The following CASR variants were observed in gnomAD, a reference collection of about 807,000 sequenced individuals.
CASR encodes extracellular calcium-sensing receptor.
Under a neutral mutation model 69.1 loss-of-function variants are expected in CASR, and 23 were observed. The observed-to-expected ratio is 0.33, with a 90% CI of 0.24 to 0.47. The LOEUF is 0.47. Ranked by LOEUF, CASR falls within the 20% of genes least tolerant of loss-of-function variation. CASR has a pLI of 1.00. For synonymous variants in CASR, 541 were observed against 544.7 expected, an observed-to-expected ratio of 0.99 and a Z score of 0.10; for missense variants, 924 against 1,356.1, an observed-to-expected ratio of 0.68 and a Z score of 5.00.
At chr3:122,194,187 C>T (rs1161283678) in intron 1 of CASR, among the ~76,000 whole-genome samples, 2 of 152,168 alleles carry the variant, frequency 1.3e-5, no homozygotes, top group African/African-American at 4.8e-5. Context: ...TATTCAGGTA[C>T]CAATCTAGGC....
rs777670347 is a variant in CASR, at chr3:122,195,033, CCTCT to C, written c.-243+11224_-243+11227del. The stretch of plus-strand genomic sequence containing the variant: ...CTCCTCCTCCTCCTTTTTCCTCCTC[CCTCT>C]CTTTCTTCACTTCCCTCCATCCCTC... On this transcript the variant is annotated intron_variant, in intron 1 of 6. Coordinates refer to ENST00000639785, the MANE Select transcript of CASR (RefSeq NM_000388.4). Among the ~76,000 whole-genome samples, 14 of 152,122 alleles carry C rather than the reference CCTCT, an allele frequency of 9.2e-5. No homozygotes were observed. The East Asian group carries it at 2.3e-3, about 25-fold the overall frequency.
In CASR at chr3:122,262,285, C is replaced by G. The variant is rs1576859379; in HGVS notation, c.1250C>G (p.Ser417Cys). ...PYIDYTHLRI[S>C]YNVYLAVYSI... Reference sequence around the variant, plus strand: ...ATAGATTACACGCATTTACGGATATCCTACAATGTGTACTTAGCAGTCTAC... The same window carrying G: ...ATAGATTACACGCATTTACGGATATGCTACAATGTGTACTTAGCAGTCTAC... The change falls in exon 4 of 7, where the codon TCC becomes TGC. Residue 417 changes from serine to cysteine, a missense_variant. Coordinates refer to ENST00000639785, the MANE Select transcript of CASR (RefSeq NM_000388.4). 1.2e-6 allele frequency: 2 copies of G among 1,614,128 alleles called. No homozygotes were observed. The highest frequency in any genetic ancestry group is 1.7e-6 in the Non-Finnish European group (2 of 1,179,998).
intron 1 of CASR, among the ~76,000 whole-genome samples, chr3:122,202,604 A>C (rs2073968481): frequency 6.6e-6 from 1 of 152,154 alleles, no homozygotes. Flanking sequence ...TGCTGTAACT[A>C]TCATCTTCCA....
chr3:122,276,183 T>TG, intron 5 of CASR, 141 bp downstream of exon 5: 1 of 696,204 alleles, frequency 1.4e-6, no homozygotes, highest in Non-Finnish European at 2.6e-6. Flanking sequence ...TTTGCAATCT[T>TG]GGGGCTCCCT....
At chr3:122,210,461 C>A (rs980267235) in intron 1 of CASR, among the ~76,000 whole-genome samples, 4 of 151,980 alleles carry the variant, frequency 2.6e-5, no homozygotes, top group Non-Finnish European at 5.9e-5. Flanking sequence ...AGCAGAGAAC[C>A]AAATCATGAA....
rs998635676 is a variant in CASR, at chr3:122,220,538, G to A, written c.-242-33410G>A. ...CATTAAATAAATCATAGAACACCAA[G>A]GATTTACAGCTTTTTGAGCTTGATA... On this transcript the variant is annotated intron_variant, in intron 1 of 6. Transcript: ENST00000639785. Among the ~76,000 whole-genome samples the A allele has an allele frequency of 2.6e-5, 4 of 152,266 alleles. No individual in the cohort carries two copies. The East Asian group carries it at 7.7e-4, about 29-fold the overall frequency.
chr3:122,212,720 C>T (rs902625436), intron 1 of CASR, among the ~76,000 whole-genome samples: 2 of 151,546 alleles, frequency 1.3e-5, no homozygotes, highest in African/African-American at 4.9e-5. Context: ...CGGCTCACCA[C>T]AACCTCCGCT....
chr3:122,232,036 C>G (rs2074283775), intron 1 of CASR, among the ~76,000 whole-genome samples: 1 of 152,196 alleles, frequency 6.6e-6, no homozygotes, highest in South Asian at 2.1e-4. Context: ...TCATCAGATT[C>G]ACCCTCCAGC....
At chr3:122,235,056 A>G (rs1396501672) in intron 1 of CASR, among the ~76,000 whole-genome samples, 1 of 152,250 alleles carries the variant, frequency 6.6e-6, no homozygotes, top group African/African-American at 2.4e-5. Flanking sequence ...AGAGTAGAGA[A>G]GGACCAGGGA....
intron 4 of CASR, among the ~76,000 whole-genome samples, chr3:122,264,903 A>G (rs2074672678): frequency 6.6e-6 from 1 of 152,212 alleles, no homozygotes; most frequent in African/African-American, 2.4e-5. Flanking sequence ...CTTATCACCT[A>G]TAATCTAATC....
intron 1 of CASR, among the ~76,000 whole-genome samples, chr3:122,211,037 G>A (rs1241855971): frequency 2.0e-5 from 3 of 152,182 alleles, no homozygotes; most frequent in African/African-American, 7.2e-5. Context: ...CTAGCCATAT[G>A]CAGAAAGTTG....
At chr3:122,237,593 A>G (rs1239473453) in intron 1 of CASR, among the ~76,000 whole-genome samples, 1 of 152,268 alleles carries the variant, frequency 6.6e-6, no homozygotes, top group Non-Finnish European at 1.5e-5. Flanking sequence ...AGTAAAGTAC[A>G]ACAATATAGA....
Position 122,286,646 on chromosome 3 carries a change from G to C in CASR, c.*1455G>C, listed in dbSNP as rs942100606. ...GCTCTGGGCCCAACACATGGGGTCA[G>C]CCATAGTATCACTGGCTCATGGTGA... On this transcript the variant is annotated 3_prime_UTR_variant, in exon 7 of 7. Transcript: ENST00000639785. 2 of 152,350 alleles carry C rather than the reference G, an allele frequency of 1.3e-5. No homozygotes were observed. Among genetic ancestry groups the C allele is most frequent in the African/African-American group, 4.8e-5 (2 of 41,568 alleles). The allele number at this position is 152,350 out of a possible 1,614,324, so 9.4% of individuals were successfully genotyped here. A position where few individuals can be genotyped will look rare whatever the true frequency, so the allele number is the denominator to read the frequency against.
rs1188018312 is a variant in CASR, at chr3:122,287,257, G to A, written c.*2066G>A. 5 of 152,230 alleles carry A rather than the reference G, an allele frequency of 3.3e-5. No homozygotes were observed. In the East Asian group the frequency reaches 7.7e-4, roughly 23 times the overall value. 9.4% of individuals were successfully genotyped at this position (152,230 alleles called of 1,614,324 possible). ...TGTCCATGTCACCCAAGGGGCTTTA[G>A]GAGGAAAACATAGGTTTACAGTGAG... is the stretch of plus-strand genomic sequence containing the variant. On this transcript the variant is annotated 3_prime_UTR_variant, in exon 7 of 7. Coordinates refer to ENST00000639785, the MANE Select transcript of CASR (RefSeq NM_000388.4).
intron 5 of CASR, among the ~76,000 whole-genome samples, chr3:122,281,402 A>G (rs1457711794): frequency 6.6e-6 from 1 of 152,220 alleles, no homozygotes; most frequent in East Asian, 1.9e-4. Context: ...TCCACTAGCT[A>G]AGACCTCCAG....
At chr3:122,214,395 A>T (rs1341870326) in intron 1 of CASR, among the ~76,000 whole-genome samples, 1 of 152,168 alleles carries the variant, frequency 6.6e-6, no homozygotes, top group African/African-American at 2.4e-5. Flanking sequence ...CAGTCCTCCT[A>T]ATCCGCAGTC....
chr3:122,252,102 G>C (rs78699500), intron 1 of CASR, among the ~76,000 whole-genome samples: 16,292 of 151,986 alleles, frequency 0.11, 903 homozygotes, highest in Middle Eastern at 0.16. Context: ...AAGGCCAGCT[G>C]TGGACAACAG....
Position 122,284,861 on chromosome 3 carries a change from C to G in CASR, c.2907C>G (p.Gly969=). 1 of 1,614,220 alleles carries G rather than the reference C, an allele frequency of 6.2e-7. No individual in the cohort carries two copies. The highest frequency in any genetic ancestry group is 1.1e-5 in the South Asian group (1 of 91,082). The change falls in exon 7 of 7, where the codon GGC becomes GGG. Residue 969 remains glycine, a synonymous_variant. Transcript: ENST00000639785. The stretch of plus-strand genomic sequence containing the variant: ...GATGCAAGCAGAAGGTCATCTTTGG[C>G]AGCGGCACGGTCACCTTCTCACTGA... ...QPRCKQKVIF[G]SGTVTFSLSF... is the part of the protein sequence containing the mutation.
intron 1 of CASR, among the ~76,000 whole-genome samples, chr3:122,186,695 A>G (rs1489582857): frequency 1.3e-5 from 2 of 152,250 alleles, no homozygotes; most frequent in African/African-American, 4.8e-5. Flanking sequence ...TTGAGGGTGT[A>G]TACAGACTGA....
Sources: allele counts gnomAD v4.1 joint callset (sites outside exome capture counted in the v4.1 genomes callset), GRCh38; gene constraint gnomAD v4.1.1; transcripts MANE v1.5; gene names NCBI Gene and HGNC (gene_info 2026-07-23, HGNC 2026-07-21).